Variants in TRIM56 observed in about 807,000 individuals in gnomAD.
The protein encoded by TRIM56 is tripartite motif containing 56.
TRIM56 carries 10 observed loss-of-function variants against 17.1 expected under a neutral mutation model. The observed-to-expected ratio is 0.58, with a 90% confidence interval of 0.36 to 0.99. The LOEUF (loss-of-function observed/expected upper bound fraction) is 0.99, where lower values mean the gene tolerates loss of function less well. Ranked by LOEUF, TRIM56 falls within the 50% of genes least tolerant of loss-of-function variation. TRIM56 has a pLI of 0.01. For missense variants in TRIM56, 923 were observed against 1,052.3 expected (o/e 0.88, Z 1.70); for synonymous variants, 503 against 473.5 (o/e 1.06, Z -0.81).
At position 101,091,613 on chromosome 7, in the gene TRIM56, G is replaced by T. The variant is rs1225429476; in HGVS notation, c.*2033G>T. The stretch of plus-strand genomic sequence containing the variant: ...GTGGGAGCGGGCGTCTGTAATCCCA[G>T]CTACTTGGGAGGCTGAGGCAGGAGA... On this transcript the variant is annotated 3_prime_UTR_variant, in exon 3 of 3. Coordinates refer to ENST00000306085, the MANE Select transcript of TRIM56 (RefSeq NM_030961.3). 1 of 385,762 alleles carries T rather than the reference G, an allele frequency of 2.6e-6. No individual in the cohort carries two copies. Among genetic ancestry groups the T allele is most frequent in the Non-Finnish European group, 5.0e-6 (1 of 198,708 alleles). The allele number at this position is 385,762 out of a possible 1,614,324, so 23.9% of individuals were successfully genotyped here. A position where few individuals can be genotyped will look rare whatever the true frequency, so the allele number is the denominator to read the frequency against.
In TRIM56 at chr7:101,088,878, G is replaced by C; in HGVS notation, c.1566G>C (p.Leu522=). 1.2e-6 allele frequency: 2 copies of C among 1,613,884 alleles called. No homozygotes were observed. Among genetic ancestry groups the C allele is most frequent in the East Asian group, 2.2e-5 (1 of 44,868 alleles). The change falls in exon 3 of 3, where the codon CTG becomes CTC. Residue 522 remains leucine, a synonymous_variant. Transcript: ENST00000306085. ...GLCPFGPREI[L]VADEQNRALK... ...GTCCCTTCGGTCCCCGGGAGATCCT[G>C]GTGGCGGATGAGCAGAACCGGGCAC... is the stretch of plus-strand genomic sequence containing the variant.
In TRIM56 at chr7:101,087,727, C is replaced by T. The variant is rs1795476088; in HGVS notation, c.415C>T (p.Arg139Cys). ...CTGTGCCGACGGGCACCGCTGCACC[C>T]GCCAGACCCACACCCACCGCGTGGT... The part of the protein sequence containing the change: ...QACADGHRCT[R>C]QTHTHRVVDL... The change falls in exon 3 of 3, where the codon CGC becomes TGC. Residue 139 changes from arginine (R) to cysteine (C), a missense_variant. Physicochemically the swap from Arg to Cys is radical, Grantham distance 180 (BLOSUM62 -3). This residue lies in a region of TRIM56 where 643 missense variants were observed against 665.6 expected (regional missense o/e 0.97). Coordinates refer to ENST00000306085, the MANE Select transcript of TRIM56 (RefSeq NM_030961.3). 3.8e-6 allele frequency: 6 copies of T among 1,594,370 alleles called. No homozygotes were observed. The highest frequency in any genetic ancestry group is 3.4e-6 in the Non-Finnish European group (4 of 1,170,980).
chr7:101,089,794 A>G lies in TRIM56; in HGVS notation c.*214A>G. On this transcript the variant is annotated 3_prime_UTR_variant, in exon 3 of 3. Transcript: ENST00000306085. ...CTTAACTCTCAGAAGCAGAGGAGGC[A>G]GGTGGGTGGAGGGGGATGCTGGGAG... 16 of 503,036 alleles carry G rather than the reference A, an allele frequency of 3.2e-5. No individual in the cohort carries two copies. In the South Asian group the frequency reaches 5.7e-4, roughly 18 times the overall value. The allele number at this position is 503,036 out of a possible 1,614,324, so 31.2% of individuals were successfully genotyped here.
Position 101,097,405 on chromosome 7 carries a change from GA to G in TRIM56, c.*7826del. ...GTTAGCAGGAGAAAGACCAAGTTCA[GA>G]TGCAGACTTGGGAAAGTAGGTAACT... On this transcript the variant is annotated 3_prime_UTR_variant, in exon 3 of 3. Coordinates refer to ENST00000306085, the MANE Select transcript of TRIM56 (RefSeq NM_030961.3). The G allele has an allele frequency of 6.6e-6, 1 of 152,372 alleles. No homozygotes were observed. The highest frequency in any genetic ancestry group is 1.9e-4 in the East Asian group (1 of 5,188). The allele number at this position is 152,372 out of a possible 1,614,324, so 9.4% of individuals were successfully genotyped here.
In TRIM56 at chr7:101,090,620, A is replaced by AAC. The variant is rs1554357506; in HGVS notation, c.*1041_*1042insCA. 17 of 149,772 alleles carry AAC rather than the reference A, an allele frequency of 1.1e-4. No homozygotes were observed. Among genetic ancestry groups the AAC allele is most frequent in the African/African-American group, 3.7e-4 (15 of 40,138 alleles). The allele number at this position is 149,772 out of a possible 1,614,324, so 9.3% of individuals were successfully genotyped here. A position where few individuals can be genotyped will look rare whatever the true frequency, so the allele number is the denominator to read the frequency against. ...GACCCCATCTCGAAAAAAAAAAAAA[A>AAC]AAAAAAAAACAGAAACAACAGAAAA... On this transcript the variant is annotated 3_prime_UTR_variant, in exon 3 of 3. Coordinates refer to ENST00000306085, the MANE Select transcript of TRIM56 (RefSeq NM_030961.3).
Position 101,088,613 on chromosome 7 carries a change from C to T in TRIM56, c.1301C>T (p.Thr434Ile). Residue 434 changes from threonine (T) to isoleucine (I), a missense_variant, in exon 3 of 3, where the codon ACC becomes ATC. Physicochemically the swap from Thr to Ile is moderately conservative, Grantham distance 89. Around this residue, in one of 3 missense-constraint regions of TRIM56, gnomAD observed 643 missense variants for 665.6 expected, o/e 0.97. Coordinates refer to ENST00000306085, the MANE Select transcript of TRIM56 (RefSeq NM_030961.3). Reference sequence around the variant, plus strand: ...ACAACCCGAGAAGAGGGAGCCCAGACCTTGGAGGAGGACAGGGCCCAGACA... The same window carrying T: ...ACAACCCGAGAAGAGGGAGCCCAGATCTTGGAGGAGGACAGGGCCCAGACA... ...AQTTREEGAQ[T>I]LEEDRAQTPH... 2 of 1,613,260 alleles carry T rather than the reference C, an allele frequency of 1.2e-6. No individual in the cohort carries two copies. The highest frequency in any genetic ancestry group is 1.7e-6 in the Non-Finnish European group (2 of 1,179,350).
In TRIM56 at chr7:101,089,927, C is replaced by A; in HGVS notation, c.*347C>A. ...CTGTCCTGCTTTGCATTCTTCAAAA[C>A]CATTCCTGATAGAGTAGCCGAGGGA... On this transcript the variant is annotated 3_prime_UTR_variant, in exon 3 of 3. Transcript: ENST00000306085. The A allele has an allele frequency of 4.1e-6, 1 of 246,236 alleles. No individual in the cohort carries two copies. Among genetic ancestry groups the A allele is most frequent in the East Asian group, 1.1e-4 (1 of 9,294 alleles). The allele number at this position is 246,236 out of a possible 1,614,324, so 15.3% of individuals were successfully genotyped here.
At chr7:101,086,004 C>A (rs1030974829) in intron 1 of TRIM56, among the ~76,000 whole-genome samples, 1 of 152,186 alleles carries the variant, frequency 6.6e-6, no homozygotes, top group African/African-American at 2.4e-5. Flanking sequence ...ACCAGCCCTT[C>A]CCCTAGCGTT....
chr7:101,096,286 A>G lies in TRIM56; in HGVS notation c.*6706A>G, dbSNP rs1003250839. ...CTGCACCACACCTGGGATTGTGACA[A>G]TTAACTTGATAAATTGTTCCTTTTC... On this transcript the variant is annotated 3_prime_UTR_variant, in exon 3 of 3. Transcript: ENST00000306085. The G allele has an allele frequency of 1.3e-5, 2 of 152,298 alleles. No homozygotes were observed. Among genetic ancestry groups the G allele is most frequent in the Non-Finnish European group, 2.9e-5 (2 of 68,026 alleles). 9.4% of individuals were successfully genotyped at this position (152,298 alleles called of 1,614,324 possible).
At position 101,089,766 on chromosome 7, in the gene TRIM56, G is replaced by A; in HGVS notation, c.*186G>A. On this transcript the variant is annotated 3_prime_UTR_variant, in exon 3 of 3. Coordinates refer to ENST00000306085, the MANE Select transcript of TRIM56 (RefSeq NM_030961.3). ...AGAATAGGGACCAAGGTGGTGGCGT[G>A]ACCTTAACTCTCAGAAGCAGAGGAG... 3.4e-6 allele frequency: 2 copies of A among 580,002 alleles called. No individual in the cohort carries two copies. Among genetic ancestry groups the A allele is most frequent in the Non-Finnish European group, 6.1e-6 (2 of 325,380 alleles). 35.9% of individuals were successfully genotyped at this position (580,002 alleles called of 1,614,324 possible). A position where few individuals can be genotyped will look rare whatever the true frequency, so the allele number is the denominator to read the frequency against.
Position 101,089,755 on chromosome 7 carries a change from G to A in TRIM56, c.*175G>A, listed in dbSNP as rs1795531752. 1.6e-6 allele frequency: 1 copy of A among 612,690 alleles called. No individual in the cohort carries two copies. The highest frequency in any genetic ancestry group is 2.4e-5 in the South Asian group (1 of 41,678). The allele number at this position is 612,690 out of a possible 1,614,324, so 38.0% of individuals were successfully genotyped here. A position where few individuals can be genotyped will look rare whatever the true frequency, so the allele number is the denominator to read the frequency against. ...TCTAGTGTGTGAGAATAGGGACCAA[G>A]GTGGTGGCGTGACCTTAACTCTCAG... On this transcript the variant is annotated 3_prime_UTR_variant, in exon 3 of 3. Coordinates refer to ENST00000306085, the MANE Select transcript of TRIM56 (RefSeq NM_030961.3).
Position 101,092,024 on chromosome 7 carries a change from G to C in TRIM56, c.*2444G>C, listed in dbSNP as rs1795574158. The C allele has an allele frequency of 6.9e-6, 2 of 291,396 alleles. No individual in the cohort carries two copies. Among genetic ancestry groups the C allele is most frequent in the African/African-American group, 2.3e-5 (1 of 42,774 alleles). 18.1% of individuals were successfully genotyped at this position (291,396 alleles called of 1,614,324 possible). A position where few individuals can be genotyped will look rare whatever the true frequency, so the allele number is the denominator to read the frequency against. ...GGGCTGGTCTCCAGCTCCTAACCGCGAGTGATCCGCCAGCCTCGGCCTCCG... is the reference window on the plus strand; with the variant it reads ...GGGCTGGTCTCCAGCTCCTAACCGCCAGTGATCCGCCAGCCTCGGCCTCCG... On this transcript the variant is annotated 3_prime_UTR_variant, in exon 3 of 3. Transcript: ENST00000306085.
Position 101,093,392 on chromosome 7 carries a change from T to C in TRIM56, c.*3812T>C, listed in dbSNP as rs1291383920. On this transcript the variant is annotated 3_prime_UTR_variant, in exon 3 of 3. Transcript: ENST00000306085. ...AAGAAGATGGGAAAACCATGCAGAATTGATTTGACGAGGAAAGCCTTGGTC... is the reference window on the plus strand; with the variant it reads ...AAGAAGATGGGAAAACCATGCAGAACTGATTTGACGAGGAAAGCCTTGGTC... 1 of 148,596 alleles carries C rather than the reference T, an allele frequency of 6.7e-6. No individual in the cohort carries two copies. The highest frequency in any genetic ancestry group is 1.5e-5 in the Non-Finnish European group (1 of 67,248). The allele number at this position is 148,596 out of a possible 1,614,324, so 9.2% of individuals were successfully genotyped here. A position where few individuals can be genotyped will look rare whatever the true frequency, so the allele number is the denominator to read the frequency against.
At position 101,085,581 on chromosome 7, in the gene TRIM56, G is replaced by A. The variant is rs1025976106; in HGVS notation, c.-165+10G>A. 6.6e-6 allele frequency: 1 copy of A among 152,430 alleles called. No individual in the cohort carries two copies. Among genetic ancestry groups the A allele is most frequent in the African/African-American group, 2.4e-5 (1 of 41,424 alleles). 9.4% of individuals were successfully genotyped at this position (152,430 alleles called of 1,614,324 possible). ...GATCAGCTCTGGCTAGGTAAGGGGT[G>A]GGGGGCGGCACAGCTATAGGAAGGA... On this transcript the variant is annotated intron_variant, in intron 1 of 2. Coordinates refer to ENST00000306085, the MANE Select transcript of TRIM56 (RefSeq NM_030961.3).
Position 101,088,290 on chromosome 7 carries a change from G to A in TRIM56, c.978G>A (p.Gly326=), listed in dbSNP as rs575895725. Residue 326 remains glycine, a synonymous_variant, in exon 3 of 3, where the codon GGG becomes GGA. Coordinates refer to ENST00000306085, the MANE Select transcript of TRIM56 (RefSeq NM_030961.3). ...GREAEILSLE[G]AIAQRLRQLQ... ...AGGCCGAGATCCTCTCCCTGGAAGG[G>A]GCGATCGCACAGCGGCTCAGGCAGC... 24 of 1,522,412 alleles carry A rather than the reference G, an allele frequency of 1.6e-5. No individual in the cohort carries two copies. The Admixed American group carries it at 5.1e-4, about 32-fold the overall frequency. 94.3% of individuals were successfully genotyped at this position (1,522,412 alleles called of 1,614,324 possible). A position where few individuals can be genotyped will look rare whatever the true frequency, so the allele number is the denominator to read the frequency against.
Position 101,094,189 on chromosome 7 carries a change from T to C in TRIM56, c.*4609T>C, listed in dbSNP as rs1354706310. On this transcript the variant is annotated 3_prime_UTR_variant, in exon 3 of 3. Transcript: ENST00000306085. ...CTTTGTGTATGACAACTATGAAAACTATTGAGAAGAAATAGTTACGTGATA... is the reference window on the plus strand; with the variant it reads ...CTTTGTGTATGACAACTATGAAAACCATTGAGAAGAAATAGTTACGTGATA... 4.6e-5 allele frequency: 7 copies of C among 152,158 alleles called. No homozygotes were observed. Among genetic ancestry groups the C allele is most frequent in the Admixed American group, 4.6e-4 (7 of 15,274 alleles). 9.4% of individuals were successfully genotyped at this position (152,158 alleles called of 1,614,324 possible).
In TRIM56 at chr7:101,096,425, G is replaced by C. The variant is rs1018098709; in HGVS notation, c.*6845G>C. On this transcript the variant is annotated 3_prime_UTR_variant, in exon 3 of 3. Coordinates refer to ENST00000306085, the MANE Select transcript of TRIM56 (RefSeq NM_030961.3). ...TCGTATTCTTGGTGTCAAGAAATGG[G>C]AAGAGAATGAGGGAGCAGAGACCTG... The C allele has an allele frequency of 3.3e-5, 5 of 152,208 alleles. No homozygotes were observed. Among genetic ancestry groups the C allele is most frequent in the African/African-American group, 1.2e-4 (5 of 41,436 alleles). 9.4% of individuals were successfully genotyped at this position (152,208 alleles called of 1,614,324 possible). A position where few individuals can be genotyped will look rare whatever the true frequency, so the allele number is the denominator to read the frequency against.
Position 101,089,613 on chromosome 7 carries a change from A to G in TRIM56, c.*33A>G. 1 of 1,576,964 alleles carries G rather than the reference A, an allele frequency of 6.3e-7. No individual in the cohort carries two copies. Among genetic ancestry groups the G allele is most frequent in the African/African-American group, 1.3e-5 (1 of 74,298 alleles). On this transcript the variant is annotated 3_prime_UTR_variant, in exon 3 of 3. Coordinates refer to ENST00000306085, the MANE Select transcript of TRIM56 (RefSeq NM_030961.3). ...AGGACTAGGGTGAGAGGGAGTGGGG[A>G]GGGAGAGGGCAGGAAGGAGGCAGAG...
chr7:101,088,182 G>C lies in TRIM56; in HGVS notation c.870G>C (p.Glu290Asp), dbSNP rs1174140873. Residue 290 changes from glutamate to aspartate, a missense_variant, in exon 3 of 3, where the codon GAG becomes GAC. This residue lies in a region of TRIM56 where 643 missense variants were observed against 665.6 expected (regional missense o/e 0.97). Coordinates refer to ENST00000306085, the MANE Select transcript of TRIM56 (RefSeq NM_030961.3). Reference protein sequence around the residue: ...HVEAAEEAARERLAELEGREQ... With the variant: ...HVEAAEEAARDRLAELEGREQ... The stretch of plus-strand genomic sequence containing the variant: ...AGGCTGCCGAAGAAGCTGCTCGGGA[G>C]AGGCTGGCGGAGCTTGAGGGCCGGG... 10 of 1,484,664 alleles carry C rather than the reference G, an allele frequency of 6.7e-6. No individual in the cohort carries two copies. Among genetic ancestry groups the C allele is most frequent in the Non-Finnish European group, 8.9e-6 (10 of 1,120,578 alleles). The allele number at this position is 1,484,664 out of a possible 1,614,324, so 92.0% of individuals were successfully genotyped here.
Sources: gnomAD v4.1 joint callset for allele counts (sites outside exome capture counted in the v4.1 genomes callset) on GRCh38, gnomAD v4.1.1 for gene constraint, gnomAD v4.1.1 regional missense constraint, MANE v1.5 for transcripts, NCBI Gene and HGNC (gene_info 2026-07-23, HGNC 2026-07-21) for gene names.